The following SNTG1 variants were observed in gnomAD, a reference collection of about 807,000 sequenced individuals.
SNTG1 encodes the protein gamma-1-syntrophin.
Under a neutral mutation model 74.7 loss-of-function variants are expected in SNTG1, and 39 were observed. The observed-to-expected ratio is 0.52, with a 90% CI of 0.40 to 0.68. SNTG1 has a LOEUF of 0.68. Among genes scored for constraint, SNTG1 ranks in the 30% least tolerant of loss-of-function variants. The pLI, the probability that SNTG1 is intolerant of heterozygous loss-of-function variation, is 0.00. For missense variants in SNTG1, 685 were observed against 609.5 expected, an observed-to-expected ratio of 1.12 and a Z score of -1.30; for synonymous variants, 254 against 217.1, an observed-to-expected ratio of 1.17 and a Z score of -1.49.
chr8:50,204,642 C>T (rs528782451), intron 2 of SNTG1, among the ~76,000 whole-genome samples: 2 of 152,188 alleles, frequency 1.3e-5, no homozygotes, highest in Non-Finnish European at 2.9e-5. Flanking sequence ...CATATGTATA[C>T]ATGTGCCATA....
At chr8:50,204,417 T>A (rs1379851741) in intron 2 of SNTG1, among the ~76,000 whole-genome samples, 1 of 152,110 alleles carries the variant, frequency 6.6e-6, no homozygotes, top group Non-Finnish European at 1.5e-5. Context: ...TGCCAATGTG[T>A]CTGTACCTTG....
At chr8:50,664,153 A>G (rs2095239249) in intron 15 of SNTG1, among the ~76,000 whole-genome samples, 1 of 152,148 alleles carries the variant, frequency 6.6e-6, no homozygotes, top group South Asian at 2.1e-4. Flanking sequence ...CAAAAGCAAA[A>G]ACTAGAGTTT....
chr8:50,102,877 C>A (rs1326860824), intron 1 of SNTG1, among the ~76,000 whole-genome samples: 2 of 146,962 alleles, frequency 1.4e-5, no homozygotes, highest in African/African-American at 5.0e-5. Context: ...TGTAGATATG[C>A]GGCGTTATTT....
intron 9 of SNTG1, among the ~76,000 whole-genome samples, chr8:50,510,042 G>A (rs750679735): frequency 3.9e-5 from 6 of 152,148 alleles, no homozygotes; most frequent in Non-Finnish European, 8.8e-5. Context: ...TAGACTATTG[G>A]CTGTGGGTTT....
At chr8:50,545,439 A>G (rs1378553368) in intron 11 of SNTG1, among the ~76,000 whole-genome samples, 1 of 149,764 alleles carries the variant, frequency 6.7e-6, no homozygotes, top group Non-Finnish European at 1.5e-5. Context: ...CAAAATGAGC[A>G]TATAAATATA....
chr8:49,938,889 T>C (rs1360250247), intron 1 of SNTG1, among the ~76,000 whole-genome samples: 3 of 151,992 alleles, frequency 2.0e-5, no homozygotes, highest in Non-Finnish European at 4.4e-5. Context: ...CACCATGTTG[T>C]TTCTGAAGCT....
intron 17 of SNTG1, among the ~76,000 whole-genome samples, chr8:50,748,117 T>G (rs1376857890): frequency 6.6e-6 from 1 of 152,050 alleles, no homozygotes; most frequent in Non-Finnish European, 1.5e-5. Context: ...ATGGAGACCA[T>G]GGGTAATGTC....
chr8:50,223,120 C>A (rs902742494), intron 2 of SNTG1, among the ~76,000 whole-genome samples: 2 of 151,958 alleles, frequency 1.3e-5, no homozygotes, highest in Non-Finnish European at 2.9e-5. Flanking sequence ...AACAAGCAAT[C>A]TAAGTATTAA....
chr8:50,130,998 TA>T (rs2081299792), intron 1 of SNTG1, among the ~76,000 whole-genome samples: 1 of 151,898 alleles, frequency 6.6e-6, no homozygotes, highest in Non-Finnish European at 1.5e-5. Context: ...CAGCAAGGTA[TA>T]AAAATAATAT....
intron 17 of SNTG1, among the ~76,000 whole-genome samples, chr8:50,711,663 C>G (rs925723112): frequency 2.7e-4 from 41 of 152,248 alleles, no homozygotes; most frequent in Admixed American, 1.5e-3. Context: ...TTACTTACCA[C>G]CTGTGCTTGG....
At chr8:50,116,945 A>G (rs1332815526) in intron 1 of SNTG1, among the ~76,000 whole-genome samples, 1 of 152,182 alleles carries the variant, frequency 6.6e-6, no homozygotes, top group Non-Finnish European at 1.5e-5. Flanking sequence ...GGAAAACTTT[A>G]TATTTAACTT....
At chr8:50,065,036 A>G (rs573050766) in intron 1 of SNTG1, among the ~76,000 whole-genome samples, 49 of 152,342 alleles carry the variant, frequency 3.2e-4, no homozygotes, top group Non-Finnish European at 2.1e-4. Context: ...TGTAGAAGAA[A>G]AAATTTAAGA....
intron 12 of SNTG1, among the ~76,000 whole-genome samples, chr8:50,561,040 C>T (rs1280732206): frequency 4.6e-5 from 7 of 152,018 alleles, no homozygotes; most frequent in Non-Finnish European, 1.0e-4. Context: ...GTTCTGTGTC[C>T]GCATCCAAAT....
At chr8:50,713,706 AG>A (rs1233203472) in intron 17 of SNTG1, among the ~76,000 whole-genome samples, 1 of 152,102 alleles carries the variant, frequency 6.6e-6, no homozygotes, top group African/African-American at 2.4e-5. Context: ...GGTATAAGGA[AG>A]GGGTCCAGTT....
rs536826095 is a variant in SNTG1 at position 50,355,622 on chromosome 8, CT to C, written c.-27-38587del. Among the ~76,000 whole-genome samples the C allele has an allele frequency of 2.6e-3, 390 of 152,254 alleles. 2 individuals are homozygous for C. Among genetic ancestry groups the C allele is most frequent in the African/African-American group, 9.1e-3 (379 of 41,544 alleles). On this transcript the variant is annotated intron_variant, in intron 2 of 18. Transcript: ENST00000642720. ...TGGTTGAAAATGTTTTGCTCCAGAA[CT>C]TTGAAGATGTTGTCTCAGTATCTTC...
At chr8:49,948,600 T>C (rs923513946) in intron 1 of SNTG1, among the ~76,000 whole-genome samples, 1 of 152,244 alleles carries the variant, frequency 6.6e-6, no homozygotes, top group Non-Finnish European at 1.5e-5. Flanking sequence ...ATTATGTTCC[T>C]GGACTTTTGA....
At chr8:50,196,711 C>T (rs2083782380) in intron 2 of SNTG1, among the ~76,000 whole-genome samples, 1 of 151,428 alleles carries the variant, frequency 6.6e-6, no homozygotes, top group Non-Finnish European at 1.5e-5. Flanking sequence ...AATCCCAGGA[C>T]TTCGAGAAGC....
At chr8:50,229,931 T>G (rs2085530705) in intron 2 of SNTG1, among the ~76,000 whole-genome samples, 1 of 151,574 alleles carries the variant, frequency 6.6e-6, no homozygotes, top group Non-Finnish European at 1.5e-5. Flanking sequence ...CACAGTGAGA[T>G]GTGGGACATC....
At chr8:50,656,030 G>C (rs1457025715) in intron 13 of SNTG1, among the ~76,000 whole-genome samples, 2 of 152,058 alleles carry the variant, frequency 1.3e-5, no homozygotes, top group South Asian at 4.1e-4. Flanking sequence ...TCCTATTGAT[G>C]ATAGAAGGTC....
Sources: allele counts gnomAD v4.1 joint callset (sites outside exome capture counted in the v4.1 genomes callset), GRCh38; gene constraint gnomAD v4.1.1; transcripts MANE v1.5; gene names NCBI Gene and HGNC (gene_info 2026-07-23, HGNC 2026-07-21).